The following SPTBN4 variants were observed in gnomAD, a reference collection of about 807,000 sequenced individuals.
The protein encoded by SPTBN4 is spectrin beta, non-erythrocytic 4.
A neutral mutation model predicts 277.8 loss-of-function variants in SPTBN4; 96 were observed. That is an observed-to-expected ratio of 0.35 (90% CI 0.29 to 0.41). SPTBN4 has a LOEUF of 0.41. SPTBN4 is among the 10% of genes least tolerant of loss of function. The probability of loss-of-function intolerance (pLI) is 1.00; values close to 1 mark genes in which losing one functional copy is unlikely to be tolerated. For missense variants in SPTBN4, 3,006 were observed against 3,595.7 expected, an observed-to-expected ratio of 0.84 and a Z score of 4.19; for synonymous variants, 1,481 against 1,580.3, an observed-to-expected ratio of 0.94 and a Z score of 1.49.
intron 19 of SPTBN4, 37 bp downstream of exon 19, chr19:40,532,808 G>A (rs1057037069): frequency 5.7e-6 from 9 of 1,579,666 alleles, no homozygotes; most frequent in Non-Finnish European, 7.8e-6. Flanking sequence ...TGTGCCAGGT[G>A]CAGGAGGCCT....
rs756236967 is a variant in SPTBN4, at chr19:40,570,422, C to T, written c.7027-14C>T. 11 of 1,552,894 alleles carry T rather than the reference C, an allele frequency of 7.1e-6. No individual in the cohort carries two copies. Among genetic ancestry groups the T allele is most frequent in the African/African-American group, 4.2e-5 (3 of 71,086 alleles). On this transcript the variant is annotated splice_polypyrimidine_tract_variant and intron_variant, in intron 32 of 35. Transcript: ENST00000598249. Reference sequence around the variant, plus strand: ...TCCATGGACAGCACCCCTCTTCCCCCTCCCTTCACACAGCCGTCGCTGCCT... The same window carrying T: ...TCCATGGACAGCACCCCTCTTCCCCTTCCCTTCACACAGCCGTCGCTGCCT...
intron 20 of SPTBN4, among the ~76,000 whole-genome samples, chr19:40,536,512 C>A (rs2080738614): frequency 6.6e-6 from 1 of 152,144 alleles, no homozygotes; most frequent in African/African-American, 2.4e-5. Flanking sequence ...CTGTGCCCGG[C>A]CAATGAGGTC....
rs756943693 is a variant in SPTBN4 at position 40,501,967 on chromosome 19, G to A, written c.831G>A (p.Val277=). 1.9e-6 allele frequency: 3 copies of A among 1,614,178 alleles called. No individual in the cohort carries two copies. Among genetic ancestry groups the A allele is most frequent in the South Asian group, 1.1e-5 (1 of 91,080 alleles). Residue 277 remains valine (V), a synonymous_variant, in exon 8 of 36, where the codon GTG becomes GTA. Coordinates refer to ENST00000598249, the MANE Select transcript of SPTBN4 (RefSeq NM_020971.3). The stretch of plus-strand genomic sequence containing the variant: ...ATGAGAAGTCCATCATCACCTACGT[G>A]GTCTCTTTCTACCACTATTTCTCCA... The part of the protein sequence containing the change: ...APDEKSIITY[V]VSFYHYFSKM...
At chr19:40,503,678 C>G (rs2080289198) in intron 11 of SPTBN4, 152 bp from the exon 12 acceptor site, 1 of 827,108 alleles carries the variant, frequency 1.2e-6, no homozygotes, top group Admixed American at 3.0e-5. Context: ...ACCTGGGTAA[C>G]AGGGGAGGAT....
chr19:40,524,697 C>A (rs1450422974), intron 17 of SPTBN4: 1 of 447,124 alleles, frequency 2.2e-6, no homozygotes, highest in Non-Finnish European at 4.5e-6. Flanking sequence ...TTTGCATAAG[C>A]ACCTCTTCCT....
At chr19:40,536,380 ATTT>A (rs1360967336) in intron 20 of SPTBN4, among the ~76,000 whole-genome samples, 1 of 151,958 alleles carries the variant, frequency 6.6e-6, no homozygotes, top group Admixed American at 6.6e-5. Context: ...CACCCAGCTA[ATTT>A]TTTTATTTTT....
At position 40,487,860 on chromosome 19, in the gene SPTBN4, T is replaced by A; in HGVS notation, c.321+12T>A. ...CTGGGGAGCAGCTGGTGAGGGGGCC[T>A]GAAGGGCTGGGGCAGGGGTCCTCCC... On this transcript the variant is annotated intron_variant, in intron 3 of 35. Transcript: ENST00000598249. 6.3e-7 allele frequency: 1 copy of A among 1,588,542 alleles called. No individual in the cohort carries two copies. Among genetic ancestry groups the A allele is most frequent in the South Asian group, 1.1e-5 (1 of 88,008 alleles).
rs1288000574 is a variant in SPTBN4, at chr19:40,489,179, C to T, written c.322-896C>T. On this transcript the variant is annotated intron_variant, in intron 3 of 35. Transcript: ENST00000598249. ...CGCGACTGCACTCCAGCCTGGGCGA[C>T]AGAGTGAGACTCCGTTTCAAAAACA... is the stretch of plus-strand genomic sequence containing the variant. 6.5e-5 allele frequency among the ~76,000 whole-genome samples: 8 copies of T among 123,960 alleles called. No homozygotes were observed. The Middle Eastern group carries it at 0.024, about 369-fold the overall frequency. The allele number at this position is 123,960 out of a possible 152,430, so 81.3% of individuals were successfully genotyped here.
intron 17 of SPTBN4, among the ~76,000 whole-genome samples, chr19:40,524,077 C>T (rs929932606): frequency 1.3e-5 from 2 of 152,186 alleles, no homozygotes; most frequent in Non-Finnish European, 2.9e-5. Flanking sequence ...GCGGCATGAG[C>T]CACTGCACCT....
At chr19:40,486,419 G>T (rs1269708982) in intron 2 of SPTBN4, among the ~76,000 whole-genome samples, 2 of 151,646 alleles carry the variant, frequency 1.3e-5, no homozygotes, top group Non-Finnish European at 2.9e-5. Context: ...ACCCTTGCTG[G>T]AGTGCAGTGG....
chr19:40,532,697 A>G lies in SPTBN4; in HGVS notation c.4021A>G (p.Lys1341Glu). ...GCGGGAGGACAACCACAAGCTGCAT[A>G]AGAGATGGCTCCGGCACCAGGCATT... ...GTREDNHKLH[K>E]RWLRHQAFMA... Residue 1341 changes from lysine (K) to glutamate (E), a missense_variant, in exon 19 of 36, where the codon AAG (lysine) becomes GAG (glutamate). By Grantham distance (56) the Lys-to-Glu change is moderately conservative (BLOSUM62 1). This residue lies in a region of SPTBN4 where 1,759 missense variants were observed against 2,061.5 expected (regional missense o/e 0.85). Transcript: ENST00000598249. 6.2e-7 allele frequency: 1 copy of G among 1,613,616 alleles called. No individual in the cohort carries two copies.
chr19:40,488,222 C>T (rs2080095171), intron 3 of SPTBN4, among the ~76,000 whole-genome samples: 1 of 151,846 alleles, frequency 6.6e-6, no homozygotes, highest in Admixed American at 6.6e-5. Flanking sequence ...TGCTATAAAA[C>T]AGGGGCAGAA....
At chr19:40,531,351 G>A (rs1436188433) in intron 18 of SPTBN4, among the ~76,000 whole-genome samples, 1 of 151,860 alleles carries the variant, frequency 6.6e-6, no homozygotes, top group East Asian at 1.9e-4. Context: ...GACCCCTGGG[G>A]AGCACATGCT....
In SPTBN4 at chr19:40,572,368, G is replaced by T; in HGVS notation, c.7524G>T (p.Gln2508His). 6.2e-7 allele frequency: 1 copy of T among 1,614,208 alleles called. No individual in the cohort carries two copies. The highest frequency in any genetic ancestry group is 8.5e-7 in the Non-Finnish European group (1 of 1,180,026). The change falls in exon 35 of 36, where the codon CAG becomes CAT. Residue 2508 changes from glutamine (Q) to histidine (H), a missense_variant. Transcript: ENST00000598249. ...QTQDGSEFLLQAKDEEEMNGW... is the reference protein window; with the variant it reads ...QTQDGSEFLLHAKDEEEMNGW... ...AGGATGGCAGTGAGTTTTTGCTCCA[G>T]GCAAAAGATGAGGTGAGATCTGGTC...
intron 12 of SPTBN4, among the ~76,000 whole-genome samples, chr19:40,505,256 T>C (rs946014091): frequency 6.9e-6 from 1 of 144,180 alleles, no homozygotes; most frequent in African/African-American, 2.6e-5. Context: ...CTAGGCGTGG[T>C]GGTGTGCGCT....
In SPTBN4 at chr19:40,504,149, G is replaced by A. The variant is rs1169563838; in HGVS notation, c.1665+17G>A. On this transcript the variant is annotated intron_variant, in intron 12 of 35. Coordinates refer to ENST00000598249, the MANE Select transcript of SPTBN4 (RefSeq NM_020971.3). Reference sequence around the variant, plus strand: ...GAGATGCAGGTGCCGGCGGGGGGGCGGGGATGCGGGTGGAGTGCCAGGAGG... The same window carrying A: ...GAGATGCAGGTGCCGGCGGGGGGGCAGGGATGCGGGTGGAGTGCCAGGAGG... 4.0e-5 allele frequency: 43 copies of A among 1,080,168 alleles called. No individual in the cohort carries two copies. Among genetic ancestry groups the A allele is most frequent in the Non-Finnish European group, 4.9e-5 (36 of 735,016 alleles). The allele number at this position is 1,080,168 out of a possible 1,614,324, so 66.9% of individuals were successfully genotyped here.
Position 40,550,504 on chromosome 19 carries a change from AT to A in SPTBN4, c.4674+193del, listed in dbSNP as rs35964729. ...ATATATTTTCATGACTCTTGGCTCT[AT>A]TTTTTTTTTTTTTTTGAGATGGAGC... is the stretch of plus-strand genomic sequence containing the variant. On this transcript the variant is annotated intron_variant, in intron 22 of 35. Transcript: ENST00000598249. Among the ~76,000 whole-genome samples, 22,626 of 141,102 alleles carry A rather than the reference AT, an allele frequency of 0.16. 1,627 individuals are homozygous for A. Among genetic ancestry groups the A allele is most frequent in the African/African-American group, 0.19 (7,169 of 38,014 alleles). 92.6% of individuals were successfully genotyped at this position (141,102 alleles called of 152,430 possible).
At chr19:40,544,774 TTGGCTA>T (rs2080841379) in intron 20 of SPTBN4, among the ~76,000 whole-genome samples, 1 of 152,036 alleles carries the variant, frequency 6.6e-6, no homozygotes, top group Non-Finnish European at 1.5e-5. Flanking sequence ...ACAGTAACAC[TTGGCTA>T]TTTTTCCATA....
chr19:40,474,769 G>A (rs1008241964), intron 2 of SPTBN4, among the ~76,000 whole-genome samples: 1 of 152,046 alleles, frequency 6.6e-6, no homozygotes, highest in African/African-American at 2.4e-5. Flanking sequence ...GTGGGCACCT[G>A]TAATCTCAGC....
Sources: gnomAD v4.1 joint callset for allele counts (sites outside exome capture counted in the v4.1 genomes callset) on GRCh38, gnomAD v4.1.1 for gene constraint, gnomAD v4.1.1 regional missense constraint, MANE v1.5 for transcripts, NCBI Gene and HGNC (gene_info 2026-07-23, HGNC 2026-07-21) for gene names.